EEA1: variants seen among roughly 807,000 people sequenced by gnomAD.
EEA1 encodes early endosome antigen 1, also known as early endosome antigen 1, 162kD.
In EEA1, 111 loss-of-function variants were observed where a neutral mutation model predicts 209.2. That is an observed-to-expected ratio of 0.53 (90% CI 0.45 to 0.62). EEA1 has a LOEUF of 0.62. EEA1 is among the 20% of genes least tolerant of loss of function. EEA1 has a pLI of 0.00. For missense variants in EEA1, 1,343 were observed against 1,530.8 expected (o/e 0.88, Z 2.05); for synonymous variants, 536 against 540.6 (o/e 0.99, Z 0.12).
chr12:92,832,110 AAAT>A (rs1265770726), intron 11 of EEA1, among the ~76,000 whole-genome samples: 1 of 151,998 alleles, frequency 6.6e-6, no homozygotes, highest in African/African-American at 2.4e-5. Flanking sequence ...AAAAAAAAAA[AAAT>A]ATCCAATTTG....
In EEA1 at chr12:92,802,661, G is replaced by C; in HGVS notation, c.2413C>G (p.Gln805Glu). ...LESIKQKLTK[Q>E]EEEKKILKQD... ...TTCAGGATTTTTTTTTCTTCCTCTT[G>C]CTTGGTAAGCTTTTGCTTGATACTT... Residue 805 changes from glutamine to glutamate, a missense_variant, in exon 19 of 29, where the codon CAA (glutamine) becomes GAA (glutamate). By Grantham distance (29) the Gln-to-Glu change is conservative (BLOSUM62 2). Transcript: ENST00000322349. 6.2e-7 allele frequency: 1 copy of C among 1,605,166 alleles called. No individual in the cohort carries two copies. The highest frequency in any genetic ancestry group is 8.5e-7 in the Non-Finnish European group (1 of 1,177,538).
chr12:92,895,133 A>ATT (rs537064468), intron 1 of EEA1, among the ~76,000 whole-genome samples: 1 of 95,086 alleles, frequency 1.1e-5, no homozygotes, highest in African/African-American at 4.2e-5. Flanking sequence ...GGATCACTGA[A>ATT]TTTTTTTTTT....
chr12:92,853,910 G>A lies in EEA1; in HGVS notation c.406+5C>T, dbSNP rs1877746853. 6.3e-7 allele frequency: 1 copy of A among 1,599,234 alleles called. No homozygotes were observed. Among genetic ancestry groups the A allele is most frequent in the African/African-American group, 1.4e-5 (1 of 74,064 alleles). On this transcript the variant is annotated splice_donor_5th_base_variant and intron_variant, in intron 6 of 28. Coordinates refer to ENST00000322349, the MANE Select transcript of EEA1 (RefSeq NM_003566.4). ...TGACAAAATATCTGCTTTAAGTAAAGTTACCTGCTGATGAATCAGTCACCA... is the reference window on the plus strand; with the variant it reads ...TGACAAAATATCTGCTTTAAGTAAAATTACCTGCTGATGAATCAGTCACCA...
chr12:92,923,591 TC>T (rs1177483602), intron 1 of EEA1, among the ~76,000 whole-genome samples: 2 of 152,214 alleles, frequency 1.3e-5, no homozygotes, highest in Admixed American at 1.3e-4. Context: ...CAATCTCTAT[TC>T]CTTGCCCTCC....
intron 21 of EEA1, among the ~76,000 whole-genome samples, chr12:92,798,345 A>ATTTTT (rs202235633): frequency 6.7e-6 from 1 of 149,488 alleles, no homozygotes. Context: ...CATTATTATT[A>ATTTTT]TTATTATTTT....
intron 17 of EEA1, among the ~76,000 whole-genome samples, chr12:92,810,807 A>G (rs909937049): frequency 2.6e-5 from 4 of 152,176 alleles, no homozygotes; most frequent in African/African-American, 9.6e-5. Context: ...GTGTTAAAGT[A>G]AGATACAGTT....
rs773417932 is a variant in EEA1 at position 92,832,817 on chromosome 12, C to T, written c.949G>A (p.Asp317Asn). 2.5e-6 allele frequency: 4 copies of T among 1,606,542 alleles called. No homozygotes were observed. The African/African-American group carries it at 5.4e-5, about 22-fold the overall frequency. The change falls in exon 11 of 29, where the codon GAC (aspartate) becomes AAC (asparagine). Residue 317 changes from aspartate (D) to asparagine (N), a missense_variant. Transcript: ENST00000322349. Reference protein sequence around the residue: ...LTENLLKKEQDYTKLEEKHNE... With the variant: ...LTENLLKKEQNYTKLEEKHNE... ...TGTTTCTCCTCTAACTTAGTATAGT[C>T]TTGTTCTTTTTTCAGCAAGTTTTCT... is the stretch of plus-strand genomic sequence containing the variant.
chr12:92,808,931 G>A (rs1258471093), intron 18 of EEA1, 86 bp downstream of exon 18: 41 of 1,226,816 alleles, frequency 3.3e-5, no homozygotes, highest in African/African-American at 4.6e-5. Context: ...TAAGCACTAC[G>A]ATAGCAAAAT....
intron 5 of EEA1, 114 bp downstream of exon 5, chr12:92,857,161 T>C: frequency 1.5e-6 from 1 of 681,484 alleles, no homozygotes; most frequent in Middle Eastern, 4.4e-4. Flanking sequence ...AGAAACAAAT[T>C]AGGAAGTTAT....
At position 92,775,353 on chromosome 12, in the gene EEA1, T is replaced by A. The variant is rs1033891971; in HGVS notation, c.*658A>T. 1.9e-4 allele frequency: 29 copies of A among 151,876 alleles called. No homozygotes were observed. The highest frequency in any genetic ancestry group is 6.7e-4 in the African/African-American group (28 of 41,550). 9.4% of individuals were successfully genotyped at this position (151,876 alleles called of 1,614,324 possible). ...AACAAATTGATTTTACAGAGGTTTT[T>A]ATAAAATCCACCCAAGAAAATTTAA... On this transcript the variant is annotated 3_prime_UTR_variant, in exon 29 of 29. Coordinates refer to ENST00000322349, the MANE Select transcript of EEA1 (RefSeq NM_003566.4).
chr12:92,842,440 T>G (rs765071674), intron 10 of EEA1, 25 bp downstream of exon 10: 11 of 1,118,492 alleles, frequency 9.8e-6, no homozygotes, highest in Non-Finnish European at 1.3e-5. Context: ...CAATTTGCTA[T>G]TATATATAGC....
chr12:92,897,897 G>A (rs1185394521), intron 1 of EEA1, among the ~76,000 whole-genome samples: 2 of 151,628 alleles, frequency 1.3e-5, no homozygotes, highest in Non-Finnish European at 2.9e-5. Context: ...TTTAATTAAA[G>A]TATCTATTAG....
At chr12:92,859,169 T>C in intron 3 of EEA1, 3 of 1,602,158 alleles carry the variant, frequency 1.9e-6, no homozygotes, top group South Asian at 1.1e-5. Flanking sequence ...AGGGTCATTG[T>C]CAGGGATCTG....
At chr12:92,922,083 T>A (rs1881031871) in intron 1 of EEA1, among the ~76,000 whole-genome samples, 2 of 152,168 alleles carry the variant, frequency 1.3e-5, no homozygotes, top group Non-Finnish European at 2.9e-5. Flanking sequence ...CGGCCACTTC[T>A]CAGTCCTTAT....
intron 2 of EEA1, among the ~76,000 whole-genome samples, chr12:92,867,865 T>A (rs1565842415): frequency 6.6e-6 from 1 of 151,650 alleles, no homozygotes; most frequent in Non-Finnish European, 1.5e-5. Flanking sequence ...TATGTGTGTG[T>A]GAGAGAGAGA....
In EEA1 at chr12:92,773,864, G is replaced by A. The variant is rs2136643087; in HGVS notation, c.*2147C>T. The A allele has an allele frequency of 6.6e-6, 1 of 151,584 alleles. No homozygotes were observed. The highest frequency in any genetic ancestry group is 6.6e-5 in the Admixed American group (1 of 15,182). The allele number at this position is 151,584 out of a possible 1,614,324, so 9.4% of individuals were successfully genotyped here. A position where few individuals can be genotyped will look rare whatever the true frequency, so the allele number is the denominator to read the frequency against. The stretch of plus-strand genomic sequence containing the variant: ...GGTAGGTAAATTACTCGGGACTTAT[G>A]AAATGAAATTAGATAAAAATGAGAA... On this transcript the variant is annotated 3_prime_UTR_variant, in exon 29 of 29. Transcript: ENST00000322349.
At chr12:92,895,331 G>GT (rs200593902) in intron 1 of EEA1, 3,671 of 152,562 alleles carry the variant, frequency 0.024, 166 homozygotes, top group African/African-American at 0.083. Flanking sequence ...CCGCCTAATT[G>GT]TTTTTTTGTA....
intron 1 of EEA1, among the ~76,000 whole-genome samples, chr12:92,917,334 C>A (rs1880807429): frequency 7.4e-6 from 1 of 135,374 alleles, no homozygotes; most frequent in African/African-American, 3.0e-5. Flanking sequence ...ATGTTAAGGT[C>A]AGCCAGAGAG....
At chr12:92,903,319 CG>C (rs1880232192) in intron 1 of EEA1, among the ~76,000 whole-genome samples, 1 of 151,578 alleles carries the variant, frequency 6.6e-6, no homozygotes, top group South Asian at 2.1e-4. Context: ...AGAATGCAGT[CG>C]GAAGCGGTAG....
Sources: allele counts gnomAD v4.1 joint callset (sites outside exome capture counted in the v4.1 genomes callset), GRCh38; gene constraint gnomAD v4.1.1; transcripts MANE v1.5; gene names NCBI Gene and HGNC (gene_info 2026-07-23, HGNC 2026-07-21).